The following RASAL2 variants were observed in gnomAD, a reference collection of about 807,000 sequenced individuals.
RASAL2 encodes ras GTPase-activating protein nGAP.
Under a neutral mutation model 128.9 loss-of-function variants are expected in RASAL2, and 58 were observed. The observed-to-expected ratio is 0.45, with a 90% confidence interval of 0.36 to 0.56. The LOEUF (loss-of-function observed/expected upper bound fraction) is 0.56, where lower values mean the gene tolerates loss of function less well. RASAL2 is among the 20% of genes least tolerant of loss of function. The pLI is 0.00. For synonymous variants in RASAL2, 561 were observed against 580.8 expected, an observed-to-expected ratio of 0.97 and a Z score of 0.49; for missense variants, 1,360 against 1,601.6, an observed-to-expected ratio of 0.85 and a Z score of 2.57.
chr1:178,182,015 C>T (rs973019192), intron 1 of RASAL2, among the ~76,000 whole-genome samples: 2 of 152,152 alleles, frequency 1.3e-5, no homozygotes, highest in Non-Finnish European at 2.9e-5. Context: ...GCTCAGCACA[C>T]TTAAGGAATG....
At chr1:178,465,834 AAGAAAG>A in intron 15 of RASAL2, 80 bp from the exon 16 acceptor site, 1 of 1,075,976 alleles carries the variant, frequency 9.3e-7, no homozygotes, top group Non-Finnish European at 1.3e-6. Context: ...GAAAAAAAGA[AAGAAAG>A]AGAAAGAAAG....
chr1:178,358,764 T>A (rs977357395), intron 3 of RASAL2, among the ~76,000 whole-genome samples: 1 of 152,116 alleles, frequency 6.6e-6, no homozygotes, highest in Non-Finnish European at 1.5e-5. Flanking sequence ...AGCCCAGAGA[T>A]TCTATTCCTA....
At chr1:178,124,269 T>G (rs1332884940) in intron 1 of RASAL2, among the ~76,000 whole-genome samples, 1 of 152,144 alleles carries the variant, frequency 6.6e-6, no homozygotes, top group African/African-American at 2.4e-5. Flanking sequence ...TAGGGGAATT[T>G]TGCCCTCCAG....
intron 2 of RASAL2, among the ~76,000 whole-genome samples, chr1:178,293,030 T>C (rs971770638): frequency 1.7e-4 from 26 of 152,180 alleles, no homozygotes; most frequent in African/African-American, 6.3e-4. Flanking sequence ...AAAAATTAAC[T>C]GGTATTTATT....
At chr1:178,418,851 G>A (rs1256384038) in intron 4 of RASAL2, among the ~76,000 whole-genome samples, 2 of 152,170 alleles carry the variant, frequency 1.3e-5, no homozygotes, top group Non-Finnish European at 2.9e-5. Flanking sequence ...GCTAGTACAT[G>A]TACATAATTT....
intron 2 of RASAL2, among the ~76,000 whole-genome samples, chr1:178,294,635 C>T (rs991225996): frequency 1.3e-5 from 2 of 152,188 alleles, no homozygotes; most frequent in East Asian, 1.9e-4. Context: ...ATCGATCAAT[C>T]GAAAGAGAGC....
intron 6 of RASAL2, 140 bp downstream of exon 6, chr1:178,439,715 A>G (rs1676496577): frequency 1.4e-6 from 1 of 726,858 alleles, no homozygotes; most frequent in Middle Eastern, 3.8e-4. Flanking sequence ...CTACTTACAG[A>G]GAAAAAGTTA....
intron 3 of RASAL2, among the ~76,000 whole-genome samples, chr1:178,384,676 ACAC>A (rs1352254860): frequency 6.7e-6 from 1 of 149,300 alleles, no homozygotes; most frequent in African/African-American, 2.5e-5. Context: ...AAAAAAAAAA[ACAC>A]ACACACACAC....
chr1:178,200,950 C>T (rs572428857), intron 1 of RASAL2, among the ~76,000 whole-genome samples: 1 of 152,252 alleles, frequency 6.6e-6, no homozygotes, highest in South Asian at 2.1e-4. Flanking sequence ...GAGGCCGGTG[C>T]CTGGCAAGAC....
intron 6 of RASAL2, among the ~76,000 whole-genome samples, chr1:178,440,633 T>C (rs1010519115): frequency 6.6e-6 from 1 of 152,150 alleles, no homozygotes; most frequent in Non-Finnish European, 1.5e-5. Context: ...GTGTTCTTTT[T>C]TATAAAAATC....
chr1:178,328,327 A>G (rs1049932120), intron 3 of RASAL2, among the ~76,000 whole-genome samples: 1 of 152,118 alleles, frequency 6.6e-6, no homozygotes, highest in African/African-American at 2.4e-5. Context: ...AGATATTTTG[A>G]TACAGGCATA....
Position 178,221,140 on chromosome 1 carries a change from G to A in RASAL2, c.203-62424G>A, listed in dbSNP as rs776094229. Among the ~76,000 whole-genome samples the A allele has an allele frequency of 7.2e-5, 11 of 152,212 alleles. No homozygotes were observed. The South Asian group carries it at 1.0e-3, about 14-fold the overall frequency. On this transcript the variant is annotated intron_variant, in intron 1 of 17. Coordinates refer to ENST00000367649, the MANE Select transcript of RASAL2 (RefSeq NM_170692.4). ...TTTAATAGGTTTGTAATGATATGTC[G>A]TTGTTTGAACTTGTGATTGATTCCC...
At chr1:178,422,619 G>C (rs1325948517) in intron 5 of RASAL2, among the ~76,000 whole-genome samples, 4 of 152,096 alleles carry the variant, frequency 2.6e-5, no homozygotes, top group Non-Finnish European at 5.9e-5. Flanking sequence ...TAAGGTACAA[G>C]ATATTGATCA....
intron 1 of RASAL2, among the ~76,000 whole-genome samples, chr1:178,186,129 A>T (rs1382933701): frequency 4.0e-5 from 6 of 151,318 alleles, no homozygotes; most frequent in Non-Finnish European, 7.4e-5. Context: ...CTTTTAAGGA[A>T]TTTTTCATTT....
intron 3 of RASAL2, among the ~76,000 whole-genome samples, chr1:178,350,584 T>C (rs1401321310): frequency 6.6e-6 from 1 of 152,120 alleles, no homozygotes; most frequent in African/African-American, 2.4e-5. Flanking sequence ...GCTGGTTCTC[T>C]GCTCAGGGCC....
At chr1:178,302,996 G>A (rs894380710) in intron 3 of RASAL2, among the ~76,000 whole-genome samples, 1 of 152,006 alleles carries the variant, frequency 6.6e-6, no homozygotes, top group Admixed American at 6.6e-5. Context: ...CAGCCTGGGA[G>A]ACAGAGCGAC....
chr1:178,464,065 G>T (rs6699087), intron 14 of RASAL2, among the ~76,000 whole-genome samples: 27,740 of 152,062 alleles, frequency 0.18, 3,193 homozygotes, highest in African/African-American at 0.33. Context: ...TATGATATAT[G>T]CAACTTTCTA....
intron 1 of RASAL2, among the ~76,000 whole-genome samples, chr1:178,183,834 A>G (rs1461250204): frequency 6.6e-6 from 1 of 152,212 alleles, no homozygotes; most frequent in East Asian, 1.9e-4. Flanking sequence ...TAGGAGCATG[A>G]TTGCTGGATT....
At chr1:178,465,619 G>C (rs1350577494) in intron 15 of RASAL2, among the ~76,000 whole-genome samples, 1 of 152,012 alleles carries the variant, frequency 6.6e-6, no homozygotes, top group Non-Finnish European at 1.5e-5. Context: ...GCCTAGTGTA[G>C]AGAGAGATAC....
Sources: allele counts gnomAD v4.1 joint callset (sites outside exome capture counted in the v4.1 genomes callset), GRCh38; gene constraint gnomAD v4.1.1; transcripts MANE v1.5; gene names NCBI Gene and HGNC (gene_info 2026-07-23, HGNC 2026-07-21).